Variants in MYO16 observed in about 807,000 individuals in gnomAD.
The protein encoded by MYO16 is myosin XVI.
In MYO16, 94 loss-of-function variants were observed where a neutral mutation model predicts 205.3. The observed-to-expected ratio is 0.46, with a 90% CI of 0.39 to 0.54. The LOEUF (loss-of-function observed/expected upper bound fraction) is 0.54. Ranked by LOEUF, MYO16 falls within the 20% of genes least tolerant of loss-of-function variation. The pLI is 0.00. For synonymous variants in MYO16, 988 were observed against 954.0 expected (o/e 1.04, Z -0.66); for missense variants, 2,315 against 2,387.5 (o/e 0.97, Z 0.63).
At chr13:109,102,622 G>C (rs1247648962) in intron 28 of MYO16, among the ~76,000 whole-genome samples, 1 of 152,074 alleles carries the variant, frequency 6.6e-6, no homozygotes, top group African/African-American at 2.4e-5. Context: ...TTCACTAAGA[G>C]AGTGATTGGC....
Position 109,027,550 on chromosome 13 carries a change from G to T in MYO16, c.2796+7639G>T, listed in dbSNP as rs553950388. 9.9e-5 allele frequency among the ~76,000 whole-genome samples: 15 copies of T among 152,010 alleles called. No individual in the cohort carries two copies. In the South Asian group the frequency reaches 2.7e-3, roughly 27 times the overall value. On this transcript the variant is annotated intron_variant, in intron 23 of 34. Transcript: ENST00000457511. Reference sequence around the variant, plus strand: ...TGGCATAGTGGAAGGAGGGTGGAAAGGGCAGGATCCCTGCCTGGGGCCCAG... The same window carrying T: ...TGGCATAGTGGAAGGAGGGTGGAAATGGCAGGATCCCTGCCTGGGGCCCAG...
intron 31 of MYO16, among the ~76,000 whole-genome samples, chr13:109,138,606 G>A (rs903847430): frequency 2.0e-5 from 3 of 151,616 alleles, no homozygotes; most frequent in South Asian, 2.1e-4. Context: ...TTTTTTCAAC[G>A]TCAGAAGTTT....
chr13:109,124,774 A>T (rs547557390), intron 29 of MYO16, among the ~76,000 whole-genome samples: 1 of 152,328 alleles, frequency 6.6e-6, no homozygotes, highest in East Asian at 1.9e-4. Flanking sequence ...TGATCCGCAC[A>T]TCCCAAAATG....
chr13:108,636,587 C>A (rs1286536241), intron 1 of MYO16, among the ~76,000 whole-genome samples: 1 of 152,076 alleles, frequency 6.6e-6, no homozygotes, highest in East Asian at 1.9e-4. Context: ...ACCATATTGG[C>A]CAGGATGGTC....
chr13:109,046,704 A>G (rs1887056359), intron 23 of MYO16, among the ~76,000 whole-genome samples: 2 of 152,232 alleles, frequency 1.3e-5, no homozygotes, highest in Admixed American at 1.3e-4. Context: ...CCTTCACAAA[A>G]TAGAACAGAA....
chr13:108,607,231 G>A, intron 1 of MYO16, among the ~76,000 whole-genome samples: 1 of 152,182 alleles, frequency 6.6e-6, no homozygotes, highest in East Asian at 1.9e-4. Flanking sequence ...TGTTGGGAAA[G>A]CATAACTGTG....
chr13:108,795,505 G>T (rs184534719), intron 6 of MYO16, among the ~76,000 whole-genome samples: 1 of 152,104 alleles, frequency 6.6e-6, no homozygotes, highest in Admixed American at 6.5e-5. Flanking sequence ...ACCGCGCCTG[G>T]CCAGCTTCTA....
intron 3 of MYO16, among the ~76,000 whole-genome samples, chr13:108,714,117 T>C (rs6492137): frequency 0.99 from 150,700 of 152,202 alleles, 74,618 homozygotes; most frequent in Middle Eastern, 1. Context: ...AGTGCAGTGG[T>C]GCAATCTCGG....
intron 12 of MYO16, among the ~76,000 whole-genome samples, chr13:108,881,869 T>C (rs1326837602): frequency 6.6e-6 from 1 of 152,218 alleles, no homozygotes; most frequent in Non-Finnish European, 1.5e-5. Flanking sequence ...TGGAAAACAC[T>C]GTTCAGGATA....
At chr13:109,049,926 CTGTGTG>C (rs35960970) in intron 24 of MYO16, among the ~76,000 whole-genome samples, 6,644 of 105,890 alleles carry the variant, frequency 0.063, 334 homozygotes, top group African/African-American at 0.16. Flanking sequence ...TTCCTTTGTC[CTGTGTG>C]TGTGTGTGTG....
At chr13:108,702,170 G>T (rs1371189106) in intron 2 of MYO16, among the ~76,000 whole-genome samples, 3 of 151,990 alleles carry the variant, frequency 2.0e-5, no homozygotes, top group African/African-American at 7.3e-5. Flanking sequence ...TGCTGAATTT[G>T]GTGGAAAATA....
chr13:109,022,698 T>G (rs879426586), intron 23 of MYO16, among the ~76,000 whole-genome samples: 2,121 of 112,776 alleles, frequency 0.019, 147 homozygotes, highest in South Asian at 0.025. Context: ...ATGTATATAT[T>G]TATATATTAT....
At chr13:108,770,759 T>C (rs1885934796) in intron 4 of MYO16, among the ~76,000 whole-genome samples, 1 of 152,222 alleles carries the variant, frequency 6.6e-6, no homozygotes, top group African/African-American at 2.4e-5. Flanking sequence ...ATAAGAACCA[T>C]TTCCAATATA....
chr13:108,905,763 G>A (rs1880941955), intron 15 of MYO16, among the ~76,000 whole-genome samples: 1 of 99,142 alleles, frequency 1.0e-5, no homozygotes, highest in Non-Finnish European at 2.4e-5. Context: ...CTTTCCTCAG[G>A]AGCTTACTTT....
At chr13:109,177,584 C>A (rs1386146114) in intron 33 of MYO16, among the ~76,000 whole-genome samples, 1 of 151,924 alleles carries the variant, frequency 6.6e-6, no homozygotes, top group Admixed American at 6.6e-5. Flanking sequence ...AATGGAGCAA[C>A]CTTGGCTCAC....
chr13:108,788,206 A>G (rs548524936), intron 5 of MYO16, among the ~76,000 whole-genome samples: 1 of 152,258 alleles, frequency 6.6e-6, no homozygotes, highest in African/African-American at 2.4e-5. Context: ...AACGTCTTGA[A>G]CAAGTTGATT....
chr13:108,916,916 G>C (rs939814236), intron 16 of MYO16, among the ~76,000 whole-genome samples: 2 of 152,136 alleles, frequency 1.3e-5, no homozygotes, highest in African/African-American at 4.8e-5. Context: ...TTCTTGATTG[G>C]TAGTGTTAGA....
At chr13:108,507,793 T>A in the MYO16 span, among the ~76,000 whole-genome samples, 2 of 152,146 alleles carry the variant, frequency 1.3e-5, no homozygotes, top group Non-Finnish European at 1.5e-5. Flanking sequence ...ATCTTATGAT[T>A]TCTTCATTTC....
intron 27 of MYO16, among the ~76,000 whole-genome samples, chr13:109,095,970 G>A (rs1888764187): frequency 6.6e-6 from 1 of 152,196 alleles, no homozygotes; most frequent in South Asian, 2.1e-4. Flanking sequence ...TCTAGGATTA[G>A]GACTTGTTAG....
Sources: gnomAD v4.1 joint callset for allele counts (sites outside exome capture counted in the v4.1 genomes callset) on GRCh38, gnomAD v4.1.1 for gene constraint, MANE v1.5 for transcripts, NCBI Gene and HGNC (gene_info 2026-07-23, HGNC 2026-07-21) for gene names.